MGAT4C: variants seen among roughly 807,000 people sequenced by gnomAD.
MGAT4C encodes MGAT4 family member C.
Under a neutral mutation model 40.1 loss-of-function variants are expected in MGAT4C, and 19 were observed. That is an observed-to-expected ratio of 0.47 (90% CI 0.33 to 0.70). The LOEUF is 0.70. Ranked by LOEUF, MGAT4C falls within the 30% of genes least tolerant of loss-of-function variation. The pLI is 0.02. For missense variants in MGAT4C, 491 were observed against 563.2 expected, an observed-to-expected ratio of 0.87 and a Z score of 1.30; for synonymous variants, 181 against 187.1, an observed-to-expected ratio of 0.97 and a Z score of 0.27.
intron 1 of MGAT4C, among the ~76,000 whole-genome samples, chr12:86,149,421 T>A (rs1246266392): frequency 6.6e-6 from 1 of 152,216 alleles, no homozygotes; most frequent in Non-Finnish European, 1.5e-5. Context: ...AACCAAAGTT[T>A]ACATTTAAAA....
chr12:86,410,929 C>G (rs770821211), intron 3 of MGAT4C, among the ~76,000 whole-genome samples: 1 of 152,162 alleles, frequency 6.6e-6, no homozygotes, highest in Non-Finnish European at 1.5e-5. Context: ...AAGTGTGTAG[C>G]ACCTCCCACT....
intron 2 of MGAT4C, among the ~76,000 whole-genome samples, chr12:86,443,670 T>C (rs1392302215): frequency 6.6e-6 from 1 of 152,176 alleles, no homozygotes; most frequent in Non-Finnish European, 1.5e-5. Context: ...CTCGGCTCAC[T>C]GCAAGCTCTT....
chr12:86,205,794 G>A (rs938643350), intron 1 of MGAT4C, among the ~76,000 whole-genome samples: 1 of 151,772 alleles, frequency 6.6e-6, no homozygotes, highest in African/African-American at 2.4e-5. Context: ...TAAGAATCAG[G>A]AAATTATTTA....
intron 2 of MGAT4C, among the ~76,000 whole-genome samples, chr12:86,580,967 T>C (rs922137304): frequency 1.1e-4 from 16 of 151,474 alleles, no homozygotes; most frequent in Admixed American, 9.9e-4. Flanking sequence ...AATTCAGATA[T>C]TGAAAAGAAT....
intron 1 of MGAT4C, among the ~76,000 whole-genome samples, chr12:86,251,287 A>G (rs1201037052): frequency 6.6e-6 from 1 of 152,018 alleles, no homozygotes; most frequent in African/African-American, 2.4e-5. Flanking sequence ...ATTAAAACAT[A>G]CCTGAGAACT....
At chr12:86,790,947 A>G (rs75486936) in intron 1 of MGAT4C, among the ~76,000 whole-genome samples, 1,859 of 152,216 alleles carry the variant, frequency 0.012, 32 homozygotes, top group African/African-American at 0.043. Flanking sequence ...TGTATAACCA[A>G]TTCTCCCATT....
intron 1 of MGAT4C, among the ~76,000 whole-genome samples, chr12:86,815,054 A>C (rs1389099458): frequency 6.6e-6 from 1 of 152,044 alleles, no homozygotes; most frequent in Admixed American, 6.6e-5. Context: ...AACTTTCTGG[A>C]GGAGACCTTA....
intron 1 of MGAT4C, among the ~76,000 whole-genome samples, chr12:86,118,331 A>G (rs1261705233): frequency 6.6e-6 from 1 of 152,208 alleles, no homozygotes; most frequent in Admixed American, 6.5e-5. Flanking sequence ...GTTATAGATG[A>G]CAAAAAATTC....
intron 2 of MGAT4C, among the ~76,000 whole-genome samples, chr12:86,014,883 A>G (rs1288481784): frequency 6.6e-6 from 1 of 151,754 alleles, no homozygotes; most frequent in Non-Finnish European, 1.5e-5. Flanking sequence ...GAGGGCTCAA[A>G]TGATCCTCCC....
At chr12:86,018,525 T>C (rs1889323328) in intron 2 of MGAT4C, among the ~76,000 whole-genome samples, 1 of 152,194 alleles carries the variant, frequency 6.6e-6, no homozygotes, top group Non-Finnish European at 1.5e-5. Context: ...CAGGGCAGTA[T>C]TCGGTACTTT....
At chr12:86,402,511 T>C (rs920042546) in intron 3 of MGAT4C, among the ~76,000 whole-genome samples, 1 of 152,192 alleles carries the variant, frequency 6.6e-6, no homozygotes, top group African/African-American at 2.4e-5. Flanking sequence ...TTTATATTTG[T>C]AGTAGAAAAA....
Position 86,110,302 on chromosome 12 carries a change from A to ATATATATATAGTCTATATATATATAGTC in MGAT4C, c.-56-60580_-56-60579insGACTATATATATATAGACTATATATATA, listed in dbSNP as rs1592965459. ...TAGTCTATATATATATAGTCTCTCT[A>ATATATATATAGTCTATATATATATAGTC]TATATATATATATATAGTCTCTCTC... On this transcript the variant is annotated intron_variant, in intron 1 of 4. Transcript: ENST00000611864. 1.5e-3 allele frequency among the ~76,000 whole-genome samples: 124 copies of ATATATATATAGTCTATATATATATAGTC among 82,886 alleles called. 16 individuals are homozygous for ATATATATATAGTCTATATATATATAGTC. The highest frequency in any genetic ancestry group is 7.7e-3 in the African/African-American group (119 of 15,498). 54.4% of individuals were successfully genotyped at this position (82,886 alleles called of 152,430 possible).
chr12:86,824,197 C>T (rs1185820384), intron 1 of MGAT4C, among the ~76,000 whole-genome samples: 2 of 151,300 alleles, frequency 1.3e-5, no homozygotes, highest in Non-Finnish European at 1.5e-5. Flanking sequence ...TATTACAGTG[C>T]ATGTGTTCAA....
chr12:86,138,701 C>CAT (rs148914748), intron 1 of MGAT4C, among the ~76,000 whole-genome samples: 12,762 of 146,150 alleles, frequency 0.087, 681 homozygotes, highest in Middle Eastern at 0.22. Context: ...CATATATATC[C>CAT]ATATATATAT....
intron 1 of MGAT4C, among the ~76,000 whole-genome samples, chr12:86,811,620 G>A (rs1015815789): frequency 6.6e-6 from 1 of 151,190 alleles, no homozygotes; most frequent in African/African-American, 2.4e-5. Context: ...GAGATTACAG[G>A]CATGACCCAA....
At chr12:86,054,383 A>C (rs1304747723) in intron 1 of MGAT4C, among the ~76,000 whole-genome samples, 1 of 151,996 alleles carries the variant, frequency 6.6e-6, no homozygotes, top group Non-Finnish European at 1.5e-5. Flanking sequence ...TGAACTGATA[A>C]AAGTAAAGGA....
chr12:86,683,768 C>A (rs1442324291), intron 2 of MGAT4C, among the ~76,000 whole-genome samples: 2 of 152,254 alleles, frequency 1.3e-5, no homozygotes, highest in East Asian at 3.9e-4. Flanking sequence ...TTTTCCTTTT[C>A]TTCTCATGAT....
intron 1 of MGAT4C, among the ~76,000 whole-genome samples, chr12:86,087,260 ATAACT>A (rs1415728792): frequency 6.6e-6 from 1 of 152,096 alleles, no homozygotes; most frequent in African/African-American, 2.4e-5. Context: ...CATAGTGACT[ATAACT>A]TAATTTTCCA....
At position 86,489,249 on chromosome 12, in the gene MGAT4C, A is replaced by T. The variant is rs139328187; in HGVS notation, c.-228-53984T>A. 1.4e-3 allele frequency among the ~76,000 whole-genome samples: 206 copies of T among 152,274 alleles called. 4 individuals are homozygous for T. The highest frequency in any genetic ancestry group is 4.7e-3 in the African/African-American group (194 of 41,552). On this transcript the variant is annotated intron_variant, in intron 2 of 7. Transcript: ENST00000548651. ...GAGAGGTGGCTTGACTTCAGGCAAGAGCAACTTACACTTCGTGTCCCCTTT... is the reference window on the plus strand; with the variant it reads ...GAGAGGTGGCTTGACTTCAGGCAAGTGCAACTTACACTTCGTGTCCCCTTT...
Sources: gnomAD v4.1 joint callset for allele counts (sites outside exome capture counted in the v4.1 genomes callset) on GRCh38, gnomAD v4.1.1 for gene constraint, MANE v1.5 for transcripts, NCBI Gene and HGNC (gene_info 2026-07-23, HGNC 2026-07-21) for gene names.